Variants in RABGAP1 observed in about 807,000 individuals in gnomAD.
The protein encoded by RABGAP1 is rab GTPase-activating protein 1.
In RABGAP1, 23 loss-of-function variants were observed where a neutral mutation model predicts 137.6. The observed-to-expected ratio is 0.17, with a 90% CI of 0.12 to 0.24. The LOEUF is 0.24. RABGAP1 is among the 10% of genes least tolerant of loss of function. The probability of loss-of-function intolerance (pLI) is 1.00; values close to 1 mark genes in which losing one functional copy is unlikely to be tolerated. For synonymous variants in RABGAP1, 451 were observed against 450.7 expected, an observed-to-expected ratio of 1.00 and a Z score of -0.01; for missense variants, 906 against 1,275.8, an observed-to-expected ratio of 0.71 and a Z score of 4.42.
chr9:122,989,148 A>G (rs1836530298), intron 4 of RABGAP1, 149 bp from the exon 5 acceptor site: 3 of 713,250 alleles, frequency 4.2e-6, no homozygotes, highest in East Asian at 2.6e-5. Context: ...GAATTCACAT[A>G]TGAGTTACTT....
At chr9:122,931,969 G>A in the RABGAP1 span, among the ~76,000 whole-genome samples, 1 of 152,150 alleles carries the variant, frequency 6.6e-6, no homozygotes, top group Admixed American at 6.5e-5. Context: ...GTTTTTCAGG[G>A]TTCTTGCCTT....
chr9:123,041,783 C>T (rs1281509934), intron 13 of RABGAP1, among the ~76,000 whole-genome samples: 1 of 152,162 alleles, frequency 6.6e-6, no homozygotes, highest in Non-Finnish European at 1.5e-5. Context: ...CTATTGACCA[C>T]AGTAACTACT....
chr9:123,060,738 G>C (rs2033937567), intron 13 of RABGAP1, among the ~76,000 whole-genome samples: 1 of 152,158 alleles, frequency 6.6e-6, no homozygotes, highest in Non-Finnish European at 1.5e-5. Context: ...TTTGCTGCTT[G>C]AAATGTCAGG....
intron 14 of RABGAP1, among the ~76,000 whole-genome samples, chr9:123,069,671 A>C (rs1378074150): frequency 1.3e-5 from 2 of 152,006 alleles, no homozygotes; most frequent in African/African-American, 4.8e-5. Flanking sequence ...GTCTGAGCCT[A>C]GGGGTTAGAG....
At chr9:123,096,182 C>CT (rs1276031111) in intron 21 of RABGAP1, among the ~76,000 whole-genome samples, 1 of 149,220 alleles carries the variant, frequency 6.7e-6, no homozygotes, top group Non-Finnish European at 1.5e-5. Flanking sequence ...GTGCATTTTT[C>CT]TTTTTCTCCT....
chr9:122,966,135 T>G (rs1835132522), intron 2 of RABGAP1, among the ~76,000 whole-genome samples: 1 of 152,120 alleles, frequency 6.6e-6, no homozygotes, highest in Admixed American at 6.5e-5. Flanking sequence ...TCTTTGGAGA[T>G]GTCAGGTAGG....
intron 10 of RABGAP1, among the ~76,000 whole-genome samples, chr9:123,009,741 CAACATTTTTGT>C (rs886359271): frequency 6.6e-6 from 1 of 152,036 alleles, no homozygotes; most frequent in Non-Finnish European, 1.5e-5. Context: ...TTGGAGTAAT[CAACATTTTTGT>C]GGTTACTGTT....
chr9:123,021,289 T>TA (rs1312054750), intron 13 of RABGAP1, among the ~76,000 whole-genome samples: 1 of 143,872 alleles, frequency 7.0e-6, no homozygotes, highest in Non-Finnish European at 1.5e-5. Context: ...GTAAAGCTGT[T>TA]ATTTAAAAAA....
intron 19 of RABGAP1, among the ~76,000 whole-genome samples, chr9:123,078,582 G>A (rs1448620268): frequency 6.6e-6 from 1 of 152,210 alleles, no homozygotes; most frequent in Non-Finnish European, 1.5e-5. Context: ...AACCAAGTGA[G>A]TTCTGAGATT....
intron 1 of RABGAP1, among the ~76,000 whole-genome samples, 165 bp downstream of exon 1, chr9:122,941,258 C>A (rs1384750881): frequency 6.6e-6 from 1 of 152,044 alleles, no homozygotes; most frequent in Non-Finnish European, 1.5e-5. Context: ...TGAGGGGAGC[C>A]GTGATTGGGG....
intron 1 of RABGAP1, among the ~76,000 whole-genome samples, chr9:122,947,410 T>C (rs2131589848): frequency 6.6e-6 from 1 of 152,306 alleles, no homozygotes; most frequent in East Asian, 1.9e-4. Context: ...ATGGTGATGG[T>C]TGCATGACAA....
intron 21 of RABGAP1, among the ~76,000 whole-genome samples, chr9:123,093,523 A>G (rs985708834): frequency 6.6e-6 from 1 of 152,178 alleles, no homozygotes; most frequent in Non-Finnish European, 1.5e-5. Context: ...CAGGATGTAA[A>G]CTCTGCCTCA....
Position 123,070,298 on chromosome 9 carries a change from C to CCTATAGTG in RABGAP1, c.1909-51_1909-50insTATAGTGC. 6.2e-7 allele frequency: 1 copy of CCTATAGTG among 1,610,626 alleles called. No individual in the cohort carries two copies. The highest frequency in any genetic ancestry group is 8.5e-7 in the Non-Finnish European group (1 of 1,178,438). On this transcript the variant is annotated intron_variant, in intron 14 of 25. Coordinates refer to ENST00000373647, the MANE Select transcript of RABGAP1 (RefSeq NM_012197.4). The surrounding 1 kb of genome is among the most constrained non-coding windows in gnomAD (Gnocchi z 4.4). The stretch of plus-strand genomic sequence containing the variant: ...TCAAGGTCCTATAGTGCCACCATGG[C>CCTATAGTG]CCACAAGTGGCTACATTCATTTACA...
At chr9:123,092,421 C>T (rs1193836530) in intron 21 of RABGAP1, among the ~76,000 whole-genome samples, 1 of 152,164 alleles carries the variant, frequency 6.6e-6, no homozygotes, top group Non-Finnish European at 1.5e-5. Flanking sequence ...CTTACCCTTA[C>T]CTCAGCCTTG....
At chr9:122,941,217 C>T (rs888508730) in intron 1 of RABGAP1, 124 bp downstream of exon 1, 2 of 152,352 alleles carry the variant, frequency 1.3e-5, no homozygotes, top group African/African-American at 4.8e-5. Flanking sequence ...GCCAGTGGAG[C>T]TGCTCTCAGC....
chr9:122,996,193 C>A (rs994289051), intron 7 of RABGAP1, 42 bp downstream of exon 7: 1 of 1,577,054 alleles, frequency 6.3e-7, no homozygotes. Context: ...TAAATTTTGG[C>A]TTTTATCAAT....
chr9:123,072,486 C>G (rs976117328), intron 15 of RABGAP1, among the ~76,000 whole-genome samples: 1 of 152,152 alleles, frequency 6.6e-6, no homozygotes, highest in African/African-American at 2.4e-5. Context: ...AATGGGTTTT[C>G]CAATCAGACC....
At position 123,090,382 on chromosome 9, in the gene RABGAP1, T is replaced by C. The variant is rs1193677122; in HGVS notation, c.2625T>C (p.Asp875=). The C allele has an allele frequency of 1.2e-6, 2 of 1,606,466 alleles. No individual in the cohort carries two copies. The highest frequency in any genetic ancestry group is 1.7e-6 in the Non-Finnish European group (2 of 1,174,492). Residue 875 remains aspartate, a synonymous_variant, in exon 21 of 26, where the codon GAT becomes GAC. Transcript: ENST00000373647. ...AGATTGCACTACGGAAGGACCTGGA[T>C]AACGTAAGTCCAACGGGTCTGAAGG... ...TSKIALRKDL[D]NAEEKADALN... is the part of the protein sequence containing the mutation.
At chr9:123,069,726 T>C (rs914080316) in intron 14 of RABGAP1, among the ~76,000 whole-genome samples, 1 of 151,862 alleles carries the variant, frequency 6.6e-6, no homozygotes, top group Admixed American at 6.6e-5. Context: ...TATAAAAAAT[T>C]TTTAAAAATT....
Sources: allele counts gnomAD v4.1 joint callset (sites outside exome capture counted in the v4.1 genomes callset), GRCh38; gene constraint gnomAD v4.1.1; non-coding constraint Gnocchi (gnomAD v3.1); transcripts MANE v1.5; gene names NCBI Gene and HGNC (gene_info 2026-07-23, HGNC 2026-07-21).